The following GPC5 variants were observed in gnomAD, a reference collection of about 807,000 sequenced individuals.
The protein encoded by GPC5 is glypican-5.
Under a neutral mutation model 53.9 loss-of-function variants are expected in GPC5, and 47 were observed. The observed-to-expected ratio is 0.87, with a 90% CI of 0.69 to 1.11. GPC5 has a LOEUF of 1.11. Ranked by LOEUF, GPC5 falls within the 50% of genes most tolerant of loss-of-function variation. GPC5 has a pLI of 0.00. For missense variants in GPC5, 748 were observed against 713.1 expected, an observed-to-expected ratio of 1.05 and a Z score of -0.56; for synonymous variants, 286 against 263.3, an observed-to-expected ratio of 1.09 and a Z score of -0.84.
intron 7 of GPC5, among the ~76,000 whole-genome samples, chr13:92,450,131 C>T (rs1020140224): frequency 6.6e-6 from 1 of 151,912 alleles, no homozygotes; most frequent in Non-Finnish European, 1.5e-5. Context: ...TTACAATGAA[C>T]CTTGAAAGAC....
intron 7 of GPC5, among the ~76,000 whole-genome samples, chr13:92,191,255 G>T (rs1593979238): frequency 6.6e-6 from 1 of 152,176 alleles, no homozygotes; most frequent in Non-Finnish European, 1.5e-5. Flanking sequence ...AGATATACAG[G>T]TGGCATATAA....
chr13:91,768,735 T>C (rs536990395), intron 5 of GPC5, among the ~76,000 whole-genome samples: 1 of 152,276 alleles, frequency 6.6e-6, no homozygotes, highest in South Asian at 2.1e-4. Context: ...AATAAAAATA[T>C]CATGTTTATA....
At chr13:92,146,060 T>C (rs2041864852) in intron 7 of GPC5, among the ~76,000 whole-genome samples, 1 of 152,080 alleles carries the variant, frequency 6.6e-6, no homozygotes, top group Non-Finnish European at 1.5e-5. Context: ...GTTAACATAA[T>C]GAAATGTTTT....
chr13:92,239,957 G>A (rs1566499710), intron 7 of GPC5: 2 of 34,102 alleles, frequency 5.9e-5, no homozygotes, highest in African/African-American at 2.0e-4. Context: ...TACTTTTTCA[G>A]TTTTTTGTCC....
chr13:92,527,113 AAAGAAAGAAAGAAAGAAAGAAAG>A (rs1881318416), intron 7 of GPC5, among the ~76,000 whole-genome samples: 3 of 48,374 alleles, frequency 6.2e-5, no homozygotes, highest in African/African-American at 2.3e-4. Context: ...AAGAAAAAAG[AAAGAAAGAAAGAAAGAAAGAAAG>A]AAAGAAAGAA....
chr13:92,103,360 G>C (rs1026859827), intron 6 of GPC5, among the ~76,000 whole-genome samples: 1 of 152,026 alleles, frequency 6.6e-6, no homozygotes, highest in African/African-American at 2.4e-5. Context: ...TTAAATACAG[G>C]CTTATTGATT....
intron 5 of GPC5, among the ~76,000 whole-genome samples, chr13:91,842,507 C>A (rs1296192993): frequency 6.7e-6 from 1 of 149,326 alleles, no homozygotes; most frequent in African/African-American, 2.5e-5. Flanking sequence ...TCGAGACCAT[C>A]TTGGCTAACA....
intron 6 of GPC5, among the ~76,000 whole-genome samples, chr13:91,969,852 A>G (rs2040224249): frequency 6.6e-6 from 1 of 152,188 alleles, no homozygotes; most frequent in Non-Finnish European, 1.5e-5. Flanking sequence ...TGTACAAAAA[A>G]ACAAAAAAAG....
chr13:92,236,361 C>T (rs1006980168), intron 7 of GPC5, among the ~76,000 whole-genome samples: 4 of 151,978 alleles, frequency 2.6e-5, no homozygotes, highest in South Asian at 2.1e-4. Flanking sequence ...AATATCATAT[C>T]ATAGCAAATG....
intron 2 of GPC5, among the ~76,000 whole-genome samples, chr13:91,477,842 C>G (rs1883018258): frequency 6.6e-6 from 1 of 152,084 alleles, no homozygotes. Flanking sequence ...AATCCAGGCA[C>G]AAGGGAGAGT....
intron 7 of GPC5, among the ~76,000 whole-genome samples, chr13:92,816,660 T>C (rs1157777350): frequency 6.6e-6 from 1 of 151,960 alleles, no homozygotes; most frequent in East Asian, 1.9e-4. Flanking sequence ...TCTCTGAAAA[T>C]ACCTTGAAAA....
At chr13:92,316,221 A>G in intron 7 of GPC5, among the ~76,000 whole-genome samples, 1 of 152,170 alleles carries the variant, frequency 6.6e-6, no homozygotes, top group East Asian at 1.9e-4. Flanking sequence ...CTTAAAAAAA[A>G]TTGCTGACCA....
chr13:92,609,946 G>A (rs1330804076), intron 7 of GPC5, among the ~76,000 whole-genome samples: 1 of 139,966 alleles, frequency 7.1e-6, no homozygotes. Flanking sequence ...CAGGAGAATA[G>A]CTTGAACTTG....
chr13:91,862,260 T>G (rs770208142), intron 5 of GPC5, among the ~76,000 whole-genome samples: 8 of 152,146 alleles, frequency 5.3e-5, no homozygotes, highest in Non-Finnish European at 1.2e-4. Context: ...ACGTCTTAAT[T>G]TTACCTTCAA....
intron 6 of GPC5, among the ~76,000 whole-genome samples, chr13:91,917,566 A>C: frequency 6.6e-6 from 1 of 152,232 alleles, no homozygotes; most frequent in East Asian, 1.9e-4. Flanking sequence ...GTTCAACCCC[A>C]CATTTCCCTT....
At chr13:92,040,390 A>G (rs7323952) in intron 6 of GPC5, among the ~76,000 whole-genome samples, 67,202 of 152,128 alleles carry the variant, frequency 0.44, 15,191 homozygotes, top group Admixed American at 0.52. Context: ...GCAGGTTCCC[A>G]CCTTGCACCC....
chr13:91,579,828 T>C (rs571820736), intron 2 of GPC5, among the ~76,000 whole-genome samples: 2 of 151,932 alleles, frequency 1.3e-5, no homozygotes, highest in Admixed American at 1.3e-4. Context: ...GGTTTCACCA[T>C]GTTGGCCTGG....
intron 7 of GPC5, among the ~76,000 whole-genome samples, chr13:92,586,006 A>G (rs1408398159): frequency 6.6e-6 from 1 of 152,244 alleles, no homozygotes; most frequent in Non-Finnish European, 1.5e-5. Context: ...GCAGCATGAA[A>G]ACTGACTAAT....
chr13:91,679,184 T>C (rs1287071537), intron 2 of GPC5, among the ~76,000 whole-genome samples: 2 of 151,958 alleles, frequency 1.3e-5, no homozygotes, highest in Admixed American at 1.3e-4. Flanking sequence ...TTTATTTATT[T>C]ATTTATTTAT....
Sources: allele counts gnomAD v4.1 joint callset (sites outside exome capture counted in the v4.1 genomes callset), GRCh38; gene constraint gnomAD v4.1.1; transcripts MANE v1.5; gene names NCBI Gene and HGNC (gene_info 2026-07-23, HGNC 2026-07-21).